ABCA3: variants seen among roughly 807,000 people sequenced by gnomAD.
The protein encoded by ABCA3 is ATP binding cassette subfamily A member 3.
A neutral mutation model predicts 172.8 loss-of-function variants in ABCA3; 88 were observed. The observed-to-expected ratio is 0.51, with a 90% confidence interval of 0.43 to 0.61. The LOEUF (loss-of-function observed/expected upper bound fraction) is 0.61. Ranked by LOEUF, ABCA3 falls within the 20% of genes least tolerant of loss-of-function variation. ABCA3 has a pLI of 0.00. For synonymous variants in ABCA3, 1,066 were observed against 983.8 expected (o/e 1.08, Z -1.56); for missense variants, 2,164 against 2,301.0 (o/e 0.94, Z 1.22).
chr16:2,310,119 A>C (rs534506776), intron 10 of ABCA3, among the ~76,000 whole-genome samples: 32 of 152,050 alleles, frequency 2.1e-4, no homozygotes, highest in Admixed American at 3.3e-4. Context: ...TATGAAAAAA[A>C]CCCCGGCTGG....
At chr16:2,322,785 A>C (rs1313420398) in intron 7 of ABCA3, among the ~76,000 whole-genome samples, 1 of 152,058 alleles carries the variant, frequency 6.6e-6, no homozygotes, top group Non-Finnish European at 1.5e-5. Context: ...AATGGCAACA[A>C]AAGCCAAAAT....
At chr16:2,320,615 T>C (rs1233529435) in intron 7 of ABCA3, among the ~76,000 whole-genome samples, 2 of 151,658 alleles carry the variant, frequency 1.3e-5, no homozygotes, top group African/African-American at 4.9e-5. Context: ...GCCAGGCTGG[T>C]CCCGAACTCC....
chr16:2,311,174 A>G, intron 10 of ABCA3, among the ~76,000 whole-genome samples: 1 of 151,608 alleles, frequency 6.6e-6, no homozygotes, highest in Non-Finnish European at 1.5e-5. Flanking sequence ...GGGTTTCACC[A>G]TGTTGGCCAG....
chr16:2,324,655 T>C, intron 5 of ABCA3, 124 bp from the exon 6 acceptor site: 13 of 1,411,756 alleles, frequency 9.2e-6, no homozygotes, highest in Non-Finnish European at 1.1e-5. Context: ...AAACCCTTCC[T>C]GAGACTCAAG....
chr16:2,298,628 C>T (rs548419696), intron 14 of ABCA3, 88 bp from the exon 15 acceptor site: 17 of 1,528,142 alleles, frequency 1.1e-5, no homozygotes, highest in African/African-American at 1.1e-4. Context: ...CTCTCTGTCT[C>T]CCCTAATTTC....
chr16:2,332,978 T>A (rs528723013), intron 1 of ABCA3, among the ~76,000 whole-genome samples: 1 of 152,252 alleles, frequency 6.6e-6, no homozygotes, highest in African/African-American at 2.4e-5. Flanking sequence ...GGCTACTTAT[T>A]ATATTTTTTG....
intron 7 of ABCA3, among the ~76,000 whole-genome samples, chr16:2,322,203 A>G (rs1010156700): frequency 2.0e-5 from 3 of 151,882 alleles, no homozygotes; most frequent in South Asian, 2.1e-4. Flanking sequence ...TCTGAAAAAA[A>G]AAAAAAAGAA....
In ABCA3 at chr16:2,326,348, A is replaced by G. The variant is rs374191444; in HGVS notation, c.54+65T>C. 1.2e-3 allele frequency: 2,007 copies of G among 1,611,938 alleles called. 8 individuals are homozygous for G. The highest frequency in any genetic ancestry group is 6.3e-3 in the Middle Eastern group (38 of 6,060). On this transcript the variant is annotated intron_variant, in intron 4 of 32. Coordinates refer to ENST00000301732, the MANE Select transcript of ABCA3 (RefSeq NM_001089.3). The stretch of plus-strand genomic sequence containing the variant: ...GGGGCATGCAGACAGCCCTTCCCTC[A>G]AGGGCATCCCCAGGAGCCTCTGGGC...
In ABCA3 at chr16:2,285,631, G is replaced by A. The variant is rs1267394595; in HGVS notation, c.3294C>T (p.Phe1098=). ...CGAAGAGCAGGTTGAGGGCAATGTC[G>A]AATCCCTTCCGGCCCCTGCGGGGGA... is the stretch of plus-strand genomic sequence containing the variant. ...KDQFNEGRKG[F]DIALNLLFAM... The change falls in exon 23 of 33, where the codon TTC becomes TTT. Residue 1098 remains phenylalanine (F), a synonymous_variant. Transcript: ENST00000301732. This position sits in a 1 kb window ranked among gnomAD's most constrained non-coding sequence, Gnocchi z 4.7. The A allele has an allele frequency of 3.2e-6, 5 of 1,553,018 alleles. No individual in the cohort carries two copies. The highest frequency in any genetic ancestry group is 1.4e-5 in the African/African-American group (1 of 73,132).
intron 20 of ABCA3, 167 bp downstream of exon 20, chr16:2,289,267 C>G: frequency 1.3e-6 from 1 of 767,296 alleles, no homozygotes; most frequent in Non-Finnish European, 2.1e-6. Context: ...AACGCTTCTC[C>G]CTGCCGACCC....
At chr16:2,309,641 C>T (rs1293018691) in intron 10 of ABCA3, among the ~76,000 whole-genome samples, 1 of 152,074 alleles carries the variant, frequency 6.6e-6, no homozygotes, top group Non-Finnish European at 1.5e-5. Flanking sequence ...CTTTTGAGAT[C>T]GAGTCCCCCT....
In ABCA3 at chr16:2,284,974, G is replaced by A. The variant is rs745334137; in HGVS notation, c.3508C>T (p.Arg1170Cys). 8 of 1,613,448 alleles carry A rather than the reference G, an allele frequency of 5.0e-6. No individual in the cohort carries two copies. Among genetic ancestry groups the A allele is most frequent in the Admixed American group, 3.3e-5 (2 of 59,998 alleles). Residue 1170 changes from arginine to cysteine, a missense_variant, in exon 24 of 33, where the codon CGT becomes TGT. This residue lies in a region of ABCA3 where 795 missense variants were observed against 881.9 expected (regional missense o/e 0.90). Coordinates refer to ENST00000301732, the MANE Select transcript of ABCA3 (RefSeq NM_001089.3). The surrounding 1 kb of genome is among the most constrained non-coding windows in gnomAD (Gnocchi z 5.9). The part of the protein sequence containing the change: ...LLVVFKAFDV[R>C]AFTRDGHMAD... ...ATGTGGCCGTCCCGCGTGAAGGCACGCACGTCGAAGGCCTTAAACACCACC... is the reference window on the plus strand; with the variant it reads ...ATGTGGCCGTCCCGCGTGAAGGCACACACGTCGAAGGCCTTAAACACCACC...
intron 12 of ABCA3, among the ~76,000 whole-genome samples, chr16:2,303,562 G>A (rs1230443905): frequency 1.3e-5 from 2 of 152,058 alleles, no homozygotes; most frequent in Admixed American, 6.6e-5. Flanking sequence ...GAGCCACCAC[G>A]CCTGGCCGAA....
Position 2,298,438 on chromosome 16 carries a change from T to C in ABCA3, c.1844A>G (p.Asp615Gly). 1 of 1,614,144 alleles carries C rather than the reference T, an allele frequency of 6.2e-7. No homozygotes were observed. Among genetic ancestry groups the C allele is most frequent in the South Asian group, 1.1e-5 (1 of 91,088 alleles). Residue 615 changes from aspartate to glycine, a missense_variant, in exon 15 of 33, where the codon GAC becomes GGC. This residue lies in a region of ABCA3 where 1,343 missense variants were observed against 1,369.6 expected (regional missense o/e 0.98). Transcript: ENST00000301732. Reference protein sequence around the residue: ...RKSLGLCPQHDILFDNLTVAE... With the variant: ...RKSLGLCPQHGILFDNLTVAE... ...GACTGTCAAGTTGTCAAACAGGATGTCGTGCTGCGGGCACAGGCCCAGGCT... is the reference window on the plus strand; with the variant it reads ...GACTGTCAAGTTGTCAAACAGGATGCCGTGCTGCGGGCACAGGCCCAGGCT...
At chr16:2,289,090 T>C in intron 20 of ABCA3, 1 of 311,022 alleles carries the variant, frequency 3.2e-6, no homozygotes, top group Non-Finnish European at 6.1e-6. Context: ...CATCTGACTT[T>C]GGCCCAGGCC....
Position 2,285,571 on chromosome 16 carries a change from C to T in ABCA3, c.3354G>A (p.Leu1118=), listed in dbSNP as rs769422780. The T allele has an allele frequency of 3.2e-6, 5 of 1,575,780 alleles. No homozygotes were observed. The highest frequency in any genetic ancestry group is 4.3e-6 in the Non-Finnish European group (5 of 1,160,210). Residue 1118 remains leucine, a synonymous_variant, in exon 23 of 33, where the codon CTG becomes CTA. Coordinates refer to ENST00000301732, the MANE Select transcript of ABCA3 (RefSeq NM_001089.3). The surrounding 1 kb of genome is among the most constrained non-coding windows in gnomAD (Gnocchi z 4.7). ...CCTGCACGGCCCTCTCGCTGACCGC[C>T]AGGATGGAGAACGTGCTGGCCAAGA... ...MAFLASTFSI[L]AVSERAVQAK... is the part of the protein sequence containing the mutation.
chr16:2,321,658 C>T (rs2093726298), intron 7 of ABCA3, among the ~76,000 whole-genome samples: 1 of 152,114 alleles, frequency 6.6e-6, no homozygotes, highest in African/African-American at 2.4e-5. Context: ...AGTTCCAAGA[C>T]AAGACCATGC....
At chr16:2,321,066 A>G (rs531838248) in intron 7 of ABCA3, among the ~76,000 whole-genome samples, 7 of 146,268 alleles carry the variant, frequency 4.8e-5, no homozygotes, top group African/African-American at 1.8e-4. Context: ...GAAATCTGTC[A>G]GTCTTTTCCT....
Position 2,279,524 on chromosome 16 carries a change from T to C in ABCA3, c.4360-394A>G, listed in dbSNP as rs191665255. On this transcript the variant is annotated intron_variant, in intron 28 of 32. Transcript: ENST00000301732. This position sits in a 1 kb window ranked among gnomAD's most constrained non-coding sequence, Gnocchi z 4.4. ...TTCTCCCTCTAAGAAGAAAGATTTG[T>C]GGGCACCACGTTTGGGGTGAGTACT... Among the ~76,000 whole-genome samples the C allele has an allele frequency of 2.6e-4, 39 of 152,340 alleles. No homozygotes were observed. The highest frequency in any genetic ancestry group is 4.6e-4 in the Non-Finnish European group (31 of 68,032).
Sources: gnomAD v4.1 joint callset for allele counts (sites outside exome capture counted in the v4.1 genomes callset) on GRCh38, gnomAD v4.1.1 for gene constraint, gnomAD v4.1.1 regional missense constraint, Gnocchi (gnomAD v3.1) non-coding constraint, MANE v1.5 for transcripts, NCBI Gene and HGNC (gene_info 2026-07-23, HGNC 2026-07-21) for gene names.